CAMTA1: variants seen among roughly 807,000 people sequenced by gnomAD.
The protein encoded by CAMTA1 is calmodulin-binding transcription activator 1.
In CAMTA1, 27 loss-of-function variants were observed where a neutral mutation model predicts 170.9. That is an observed-to-expected ratio of 0.16 (90% CI 0.12 to 0.22). The LOEUF (loss-of-function observed/expected upper bound fraction) is 0.22. CAMTA1 is among the 10% of genes least tolerant of loss of function. The pLI, the probability that CAMTA1 is intolerant of heterozygous loss-of-function variation, is 1.00. For synonymous variants in CAMTA1, 833 were observed against 891.5 expected (o/e 0.93, Z 1.17); for missense variants, 1,619 against 2,217.2 (o/e 0.73, Z 5.42).
chr1:6,955,284 T>C (rs11809206), intron 3 of CAMTA1, among the ~76,000 whole-genome samples: 21,005 of 151,996 alleles, frequency 0.14, 2,374 homozygotes, highest in African/African-American at 0.31. Context: ...CACCCTGCTA[T>C]ACTCTCACCA....
At chr1:7,054,952 A>T (rs1294759375) in intron 3 of CAMTA1, among the ~76,000 whole-genome samples, 2 of 152,130 alleles carry the variant, frequency 1.3e-5, no homozygotes, top group Non-Finnish European at 2.9e-5. Flanking sequence ...GATGAAGGGG[A>T]AGTAGGCTGG....
Position 7,285,109 on chromosome 1 carries a change from A to T in CAMTA1, c.438+35483A>T, listed in dbSNP as rs911918002. On this transcript the variant is annotated intron_variant, in intron 5 of 22. Coordinates refer to ENST00000303635, the MANE Select transcript of CAMTA1 (RefSeq NM_015215.4). ...CAGTGGCCATGCGTCCTAGAGAGAG[A>T]TGTTCAGCCTGATGGGAGAGAGGGA... Among the ~76,000 whole-genome samples the T allele has an allele frequency of 2.0e-5, 3 of 152,108 alleles. No individual in the cohort carries two copies. The East Asian group carries it at 5.8e-4, about 29-fold the overall frequency.
chr1:7,379,786 G>A (rs899139542), intron 5 of CAMTA1, among the ~76,000 whole-genome samples: 3 of 152,190 alleles, frequency 2.0e-5, no homozygotes, highest in South Asian at 2.1e-4. Context: ...TTGGCCTCCC[G>A]ATGCCTCTCC....
chr1:7,323,635 G>A (rs915781765), intron 5 of CAMTA1, among the ~76,000 whole-genome samples: 3 of 147,662 alleles, frequency 2.0e-5, no homozygotes, highest in Non-Finnish European at 4.4e-5. Flanking sequence ...CAATTCTCCT[G>A]CCTCAGCCTC....
intron 11 of CAMTA1, among the ~76,000 whole-genome samples, chr1:7,688,294 C>A (rs1017657482): frequency 6.6e-6 from 1 of 152,280 alleles, no homozygotes; most frequent in South Asian, 2.1e-4. Context: ...CGTGAGCCAC[C>A]ATGCCCAGCC....
intron 4 of CAMTA1, among the ~76,000 whole-genome samples, chr1:7,106,144 T>A (rs139089912): frequency 6.6e-6 from 1 of 152,252 alleles, no homozygotes; most frequent in Admixed American, 6.5e-5. Context: ...AGTTTCTGAG[T>A]ATCTTACAGG....
At chr1:7,520,219 C>T (rs1575768830) in intron 6 of CAMTA1, among the ~76,000 whole-genome samples, 3 of 76 alleles carry the variant, frequency 0.039, no homozygotes, top group African/African-American at 0.11. Context: ...TCCTCCTCCT[C>T]CTCCTCCTCC....
In CAMTA1 at chr1:7,562,511, G is replaced by A. The variant is rs1396784698; in HGVS notation, c.511-77889G>A. ...GCTCTGCCCACTCCCGCCCGCCTGC[G>A]ACACCTGTCCTGCTGCTCCCCTTGA... On this transcript the variant is annotated intron_variant, in intron 6 of 22. Transcript: ENST00000303635. The surrounding 1 kb of genome is among the most constrained non-coding windows in gnomAD (Gnocchi z 4.8). Among the ~76,000 whole-genome samples, 5 of 152,116 alleles carry A rather than the reference G, an allele frequency of 3.3e-5. No homozygotes were observed. Among genetic ancestry groups the A allele is most frequent in the Admixed American group, 1.3e-4 (2 of 15,276 alleles).
At chr1:7,705,857 C>T (rs1029325205) in intron 11 of CAMTA1, among the ~76,000 whole-genome samples, 1 of 152,184 alleles carries the variant, frequency 6.6e-6, no homozygotes, top group Non-Finnish European at 1.5e-5. Flanking sequence ...AGCTTTGCTT[C>T]CCTGCAGACT....
At chr1:7,683,598 G>A (rs370333817) in intron 11 of CAMTA1, among the ~76,000 whole-genome samples, 7 of 152,074 alleles carry the variant, frequency 4.6e-5, no homozygotes, top group African/African-American at 1.7e-4. Flanking sequence ...GCACAAGCTG[G>A]TTAGCGCATG....
intron 6 of CAMTA1, among the ~76,000 whole-genome samples, chr1:7,614,704 G>A (rs72867152): frequency 1.5e-3 from 226 of 152,154 alleles, no homozygotes; most frequent in South Asian, 5.4e-3. Flanking sequence ...GAGACAGCCC[G>A]GGACAATCCA....
At chr1:7,301,150 C>A (rs1257410142) in intron 5 of CAMTA1, among the ~76,000 whole-genome samples, 1 of 152,202 alleles carries the variant, frequency 6.6e-6, no homozygotes, top group African/African-American at 2.4e-5. Context: ...ACACAAGGAT[C>A]AAAGTGCACC....
chr1:7,003,560 A>T (rs1698553401), intron 3 of CAMTA1, among the ~76,000 whole-genome samples: 1 of 152,220 alleles, frequency 6.6e-6, no homozygotes, highest in African/African-American at 2.4e-5. Flanking sequence ...TTACCAGTAC[A>T]TGCCTAGAGC....
chr1:7,426,257 T>C lies in CAMTA1; in HGVS notation c.439-41573T>C, dbSNP rs12088178. Among the ~76,000 whole-genome samples, 67,239 of 151,742 alleles carry C rather than the reference T, an allele frequency of 0.44. 15,462 individuals carry two copies. The highest frequency in any genetic ancestry group is 0.61 in the South Asian group (2,961 of 4,820). On this transcript the variant is annotated intron_variant, in intron 5 of 22. Transcript: ENST00000303635. The surrounding 1 kb of genome is among the most constrained non-coding windows in gnomAD (Gnocchi z 4.8). ...CCCAGGGCCAGAGAGAGCTGCACGGTCCGAAGCTCAGAGCATCCTCACTAG... is the reference window on the plus strand; with the variant it reads ...CCCAGGGCCAGAGAGAGCTGCACGGCCCGAAGCTCAGAGCATCCTCACTAG...
At chr1:7,219,898 G>T (rs1366068128) in intron 4 of CAMTA1, among the ~76,000 whole-genome samples, 1 of 152,146 alleles carries the variant, frequency 6.6e-6, no homozygotes, top group Non-Finnish European at 1.5e-5. Context: ...AGAAGAGGAA[G>T]ATACTAGAGC....
Position 7,016,049 on chromosome 1 carries a change from T to C in CAMTA1, c.235-75255T>C, listed in dbSNP as rs189808327. ...CTTCCTCCAACATTGGGGATTACAGTTTGACATGAGATTTGGGTGGGACAC... is the reference window on the plus strand; with the variant it reads ...CTTCCTCCAACATTGGGGATTACAGCTTGACATGAGATTTGGGTGGGACAC... On this transcript the variant is annotated intron_variant, in intron 3 of 22. Coordinates refer to ENST00000303635, the MANE Select transcript of CAMTA1 (RefSeq NM_015215.4). Among the ~76,000 whole-genome samples the C allele has an allele frequency of 3.3e-5, 5 of 152,350 alleles. No individual in the cohort carries two copies. In the East Asian group the frequency reaches 9.6e-4, roughly 29 times the overall value.
At position 7,732,573 on chromosome 1, in the gene CAMTA1, A is replaced by T; in HGVS notation, c.3040A>T (p.Ser1014Cys). The change falls in exon 12 of 23, where the codon AGC becomes TGC. Residue 1014 changes from serine (S) to cysteine (C), a missense_variant. Around this residue, in one of 8 missense-constraint regions of CAMTA1, gnomAD observed 143 missense variants for 184.2 expected, o/e 0.78. Coordinates refer to ENST00000303635, the MANE Select transcript of CAMTA1 (RefSeq NM_015215.4). The surrounding 1 kb of genome is among the most constrained non-coding windows in gnomAD (Gnocchi z 4.1). ...GGGSSGGGSG[S>C]GNGGSQAQCA... ...CGGCAGCAGTGGAGGCGGCAGCGGG[A>T]GCGGGAATGGAGGGAGCCAGGCACA... is the stretch of plus-strand genomic sequence containing the variant. The T allele has an allele frequency of 6.2e-7, 1 of 1,610,928 alleles. No individual in the cohort carries two copies. The highest frequency in any genetic ancestry group is 1.9e-4 in the Middle Eastern group (1 of 5,258).
At chr1:6,903,412 T>A (rs916204038) in intron 3 of CAMTA1, among the ~76,000 whole-genome samples, 8 of 152,266 alleles carry the variant, frequency 5.3e-5, no homozygotes, top group Admixed American at 1.3e-4. Flanking sequence ...ATTAAAAATA[T>A]ATTTAAAACC....
chr1:7,392,273 T>TTG (rs2088798138), intron 5 of CAMTA1, among the ~76,000 whole-genome samples: 1 of 151,086 alleles, frequency 6.6e-6, no homozygotes, highest in Non-Finnish European at 1.5e-5. Context: ...TTTTTTTTTT[T>TTG]TGAGTCAGTT....
Sources: allele counts gnomAD v4.1 joint callset (sites outside exome capture counted in the v4.1 genomes callset), GRCh38; gene constraint gnomAD v4.1.1; regional missense constraint gnomAD v4.1.1; non-coding constraint Gnocchi (gnomAD v3.1); transcripts MANE v1.5; gene names NCBI Gene and HGNC (gene_info 2026-07-23, HGNC 2026-07-21).